RANBP2: variants seen among roughly 807,000 people sequenced by gnomAD.
RANBP2 encodes E3 SUMO-protein ligase RanBP2.
Under a neutral mutation model 303.6 loss-of-function variants are expected in RANBP2, and 57 were observed. The observed-to-expected ratio is 0.19, with a 90% CI of 0.15 to 0.23. RANBP2 has a LOEUF of 0.23. Ranked by LOEUF, RANBP2 falls within the 10% of genes least tolerant of loss-of-function variation. The probability of loss-of-function intolerance (pLI) is 1.00; values close to 1 mark genes in which losing one functional copy is unlikely to be tolerated. For synonymous variants in RANBP2, 1,167 were observed against 1,301.5 expected, an observed-to-expected ratio of 0.90 and a Z score of 2.23; for missense variants, 3,138 against 3,780.8, an observed-to-expected ratio of 0.83 and a Z score of 4.46.
At chr2:108,992,339 T>C in the RANBP2 span, among the ~76,000 whole-genome samples, 24 of 152,286 alleles carry the variant, frequency 1.6e-4, no homozygotes, top group Admixed American at 1.3e-3. Flanking sequence ...TGGGGAGGCA[T>C]AGAGTAATCA....
the RANBP2 span, among the ~76,000 whole-genome samples, chr2:109,265,732 G>A: frequency 1.1e-4 from 17 of 152,338 alleles, no homozygotes; most frequent in African/African-American, 4.1e-4. Flanking sequence ...AAGTTGCAGG[G>A]TTTTTATCAA....
At chr2:108,762,630 C>T (rs1163047103) in intron 19 of RANBP2, among the ~76,000 whole-genome samples, 3 of 128,506 alleles carry the variant, frequency 2.3e-5, no homozygotes, top group Non-Finnish European at 4.8e-5. Context: ...ATTTTGACCA[C>T]AGGCAAGTTT....
At chr2:109,299,988 C>G in the RANBP2 span, among the ~76,000 whole-genome samples, 35 of 152,300 alleles carry the variant, frequency 2.3e-4, 1 homozygote, top group Middle Eastern at 3.4e-3. Context: ...ATTTATTTCG[C>G]TCTTTCTTCA....
chr2:108,832,216 G>A, the RANBP2 span, among the ~76,000 whole-genome samples: 746 of 151,712 alleles, frequency 4.9e-3, 9 homozygotes, highest in African/African-American at 0.017. Flanking sequence ...TAGTAGAGAC[G>A]GGGTTTTACC....
chr2:109,460,476 C>A, the RANBP2 span, among the ~76,000 whole-genome samples: 3 of 152,104 alleles, frequency 2.0e-5, no homozygotes, highest in Non-Finnish European at 4.4e-5. Context: ...GATGCTGAGC[C>A]CATGCATCAC....
the RANBP2 span, among the ~76,000 whole-genome samples, chr2:109,242,110 C>T: frequency 2.2e-5 from 3 of 134,026 alleles, no homozygotes; most frequent in East Asian, 9.2e-4. Flanking sequence ...CTCCTCTGTT[C>T]GCCTCCTGTT....
the RANBP2 span, among the ~76,000 whole-genome samples, chr2:109,644,574 C>T: frequency 2.0e-5 from 3 of 152,028 alleles, no homozygotes; most frequent in African/African-American, 4.8e-5. Context: ...CAAAATAGCT[C>T]CAAGGGAAAA....
At chr2:109,375,025 T>C in the RANBP2 span, among the ~76,000 whole-genome samples, 1 of 152,218 alleles carries the variant, frequency 6.6e-6, no homozygotes, top group African/African-American at 2.4e-5. Flanking sequence ...CTTGCACTGC[T>C]TCAGCTGCTT....
At chr2:109,694,403 C>A in the RANBP2 span, among the ~76,000 whole-genome samples, 1 of 133,920 alleles carries the variant, frequency 7.5e-6, no homozygotes, top group Non-Finnish European at 1.7e-5. Context: ...GCCAACTAAA[C>A]CTCTTTTTTT....
At chr2:109,632,543 G>A in the RANBP2 span, among the ~76,000 whole-genome samples, 2 of 152,242 alleles carry the variant, frequency 1.3e-5, no homozygotes, top group Non-Finnish European at 2.9e-5. Flanking sequence ...GCCGGGCGCA[G>A]TGGCTCACGC....
chr2:109,403,001 T>G, the RANBP2 span, among the ~76,000 whole-genome samples: 1 of 151,454 alleles, frequency 6.6e-6, no homozygotes, highest in Non-Finnish European at 1.5e-5. Flanking sequence ...ACAGTCAGGG[T>G]GGGTGGGGGG....
At chr2:109,715,280 G>C in the RANBP2 span, among the ~76,000 whole-genome samples, 1 of 151,938 alleles carries the variant, frequency 6.6e-6, no homozygotes, top group African/African-American at 2.4e-5. Context: ...AGTACTTTTT[G>C]TATTTTTTGT....
the RANBP2 span, among the ~76,000 whole-genome samples, chr2:108,921,160 G>A: frequency 6.6e-6 from 1 of 152,124 alleles, no homozygotes; most frequent in Non-Finnish European, 1.5e-5. Flanking sequence ...TTAAGGATAG[G>A]AGGTAATTGC....
chr2:109,455,005 C>T, the RANBP2 span, among the ~76,000 whole-genome samples: 2 of 152,140 alleles, frequency 1.3e-5, no homozygotes, highest in African/African-American at 4.8e-5. Context: ...TTGAAAGAGC[C>T]TCTAAAGATG....
chr2:109,581,766 A>G, the RANBP2 span, among the ~76,000 whole-genome samples: 1 of 152,242 alleles, frequency 6.6e-6, no homozygotes, highest in South Asian at 2.1e-4. Flanking sequence ...GAGAACTGAA[A>G]CAAGATATGC....
chr2:108,732,310 G>T (rs528989991), intron 4 of RANBP2, among the ~76,000 whole-genome samples: 1 of 152,032 alleles, frequency 6.6e-6, no homozygotes, highest in Admixed American at 6.6e-5. Context: ...TACAGGTTGA[G>T]CATTTAAAAT....
At chr2:109,616,640 C>T in the RANBP2 span, 1 of 167,002 alleles carries the variant, frequency 6.0e-6, no homozygotes, top group African/African-American at 2.4e-5. Flanking sequence ...TGGGAATCTT[C>T]TTGGTATTTT....
the RANBP2 span, among the ~76,000 whole-genome samples, chr2:108,918,623 C>T: frequency 6.6e-6 from 1 of 152,174 alleles, no homozygotes; most frequent in African/African-American, 2.4e-5. Context: ...GCGTGGAGTT[C>T]GAGGCAGTGG....
the RANBP2 span, among the ~76,000 whole-genome samples, chr2:109,145,336 G>A: frequency 3.3e-5 from 5 of 152,182 alleles, no homozygotes; most frequent in Admixed American, 6.5e-5. Context: ...CTTCATGCCA[G>A]GTTTGCAGTC....
Sources: gnomAD v4.1 joint callset for allele counts (sites outside exome capture counted in the v4.1 genomes callset) on GRCh38, gnomAD v4.1.1 for gene constraint, MANE v1.5 for transcripts, NCBI Gene and HGNC (gene_info 2026-07-23, HGNC 2026-07-21) for gene names.